Variants in TUSC3 observed in about 807,000 individuals in gnomAD.
TUSC3 encodes dolichyl-diphosphooligosaccharide--protein glycosyltransferase subunit TUSC3.
In TUSC3, 45 loss-of-function variants were observed where a neutral mutation model predicts 44.8. That is an observed-to-expected ratio of 1.00 (90% CI 0.79 to 1.29). TUSC3 has a LOEUF of 1.29. Among genes scored for constraint, TUSC3 ranks in the 50% most tolerant of loss-of-function variants. The pLI, the probability that TUSC3 is intolerant of heterozygous loss-of-function variation, is 0.00. For synonymous variants in TUSC3, 212 were observed against 152.9 expected, an observed-to-expected ratio of 1.39 and a Z score of -2.85; for missense variants, 519 against 437.9, an observed-to-expected ratio of 1.19 and a Z score of -1.65.
intron 1 of TUSC3, among the ~76,000 whole-genome samples, chr8:15,476,718 G>A (rs2129123825): frequency 6.6e-6 from 1 of 152,302 alleles, no homozygotes; most frequent in Non-Finnish European, 1.5e-5. Flanking sequence ...GCAGGCCCGA[G>A]CATAGGGGCT....
the TUSC3 span, among the ~76,000 whole-genome samples, chr8:15,787,737 C>A: frequency 6.6e-6 from 1 of 152,270 alleles, no homozygotes; most frequent in African/African-American, 2.4e-5. Flanking sequence ...ACAACTTATT[C>A]CTCTTTATTC....
chr8:15,743,501 A>T (rs753083667), intron 7 of TUSC3, 37 bp from the exon 8 acceptor site: 1 of 1,606,438 alleles, frequency 6.2e-7, no homozygotes, highest in African/African-American at 1.3e-5. Flanking sequence ...GATTTTATTC[A>T]CATCTATGTC....
At chr8:15,788,676 A>G in the TUSC3 span, among the ~76,000 whole-genome samples, 3 of 152,148 alleles carry the variant, frequency 2.0e-5, no homozygotes, top group Non-Finnish European at 4.4e-5. Context: ...TATCAGGTGA[A>G]AGGTTAATTT....
intron 1 of TUSC3, among the ~76,000 whole-genome samples, chr8:15,588,244 A>G (rs544136728): frequency 6.6e-6 from 1 of 152,030 alleles, no homozygotes; most frequent in East Asian, 1.9e-4. Flanking sequence ...TTGTCATTTG[A>G]TACTTGTCAT....
intron 4 of TUSC3, among the ~76,000 whole-genome samples, chr8:15,660,519 T>C (rs1423826582): frequency 6.6e-6 from 1 of 151,974 alleles, no homozygotes; most frequent in Non-Finnish European, 1.5e-5. Context: ...ACAACTACTT[T>C]TGACAGTAAA....
chr8:15,554,883 G>A (rs1321163964), intron 1 of TUSC3, among the ~76,000 whole-genome samples: 1 of 151,182 alleles, frequency 6.6e-6, no homozygotes, highest in Admixed American at 6.6e-5. Context: ...GGGATTACAA[G>A]CGTGAGCCAC....
chr8:15,642,655 C>T (rs139789211), intron 2 of TUSC3, among the ~76,000 whole-genome samples: 8 of 152,170 alleles, frequency 5.3e-5, no homozygotes, highest in Admixed American at 2.6e-4. Flanking sequence ...TGTGAGTTAA[C>T]GCTTTCCTCA....
chr8:15,763,781 T>G (rs1313689632), intron 10 of TUSC3, among the ~76,000 whole-genome samples: 1 of 152,056 alleles, frequency 6.6e-6, no homozygotes, highest in East Asian at 1.9e-4. Context: ...AATTGTAAAT[T>G]AACAAAAGAC....
At chr8:15,475,391 G>A (rs1800561469) in intron 1 of TUSC3, among the ~76,000 whole-genome samples, 1 of 152,134 alleles carries the variant, frequency 6.6e-6, no homozygotes, top group Non-Finnish European at 1.5e-5. Flanking sequence ...GGCAGTATTA[G>A]AGATCTTTTT....
intron 9 of TUSC3, among the ~76,000 whole-genome samples, chr8:15,756,244 C>G (rs1307839881): frequency 6.6e-6 from 1 of 152,108 alleles, no homozygotes; most frequent in East Asian, 1.9e-4. Flanking sequence ...ACTTCCAAGT[C>G]TCATTTTTCT....
At chr8:15,772,189 G>T in the TUSC3 span, among the ~76,000 whole-genome samples, 1 of 151,916 alleles carries the variant, frequency 6.6e-6, no homozygotes, top group South Asian at 2.1e-4. Flanking sequence ...CAGATGTATA[G>T]AAATAAAGAT....
rs551407578 is a variant in TUSC3, at chr8:15,460,525, C to G, written n.92-22861C>G. Reference sequence around the variant, plus strand: ...TGACTGTTCCTTTTGCCGTGCAAAACTCTTTAATTATGTCCCAGCTATTTA... The same window carrying G: ...TGACTGTTCCTTTTGCCGTGCAAAAGTCTTTAATTATGTCCCAGCTATTTA... On this transcript the variant is annotated intron_variant and non_coding_transcript_variant, in intron 1 of 5. Coordinates refer to the TUSC3 transcript ENST00000503191. Among the ~76,000 whole-genome samples the G allele has an allele frequency of 2.7e-3, 406 of 152,040 alleles. 2 individuals carry two copies. The highest frequency in any genetic ancestry group is 4.9e-3 in the Non-Finnish European group (330 of 67,876).
intron 2 of TUSC3, among the ~76,000 whole-genome samples, chr8:15,520,313 C>T (rs940269732): frequency 1.3e-5 from 2 of 152,150 alleles, no homozygotes; most frequent in South Asian, 2.1e-4. Flanking sequence ...TACTATCATA[C>T]AACTGGATTT....
At chr8:15,435,194 CCT>C (rs1156269557) in intron 1 of TUSC3, among the ~76,000 whole-genome samples, 1 of 151,156 alleles carries the variant, frequency 6.6e-6, no homozygotes, top group African/African-American at 2.5e-5. Context: ...CTCTCCAGCA[CCT>C]GTTGTTTCCT....
At chr8:15,614,015 ATTTT>A (rs35240351) in intron 1 of TUSC3, among the ~76,000 whole-genome samples, 1 of 105,570 alleles carries the variant, frequency 9.5e-6, no homozygotes, top group African/African-American at 3.2e-5. Context: ...GTGTTTTGTT[ATTTT>A]TTTTTTTTTT....
At chr8:15,820,080 A>G in the TUSC3 span, among the ~76,000 whole-genome samples, 1 of 152,148 alleles carries the variant, frequency 6.6e-6, no homozygotes, top group African/African-American at 2.4e-5. Flanking sequence ...GTTCAATATT[A>G]TCAAATGCTT....
At chr8:15,524,681 A>T (rs377115393) in intron 2 of TUSC3, among the ~76,000 whole-genome samples, 1 of 152,188 alleles carries the variant, frequency 6.6e-6, no homozygotes, top group Non-Finnish European at 1.5e-5. Flanking sequence ...AAAAGACCCA[A>T]TGGAGAACCT....
chr8:15,790,552 C>A, the TUSC3 span, among the ~76,000 whole-genome samples: 1 of 152,012 alleles, frequency 6.6e-6, no homozygotes, highest in Non-Finnish European at 1.5e-5. Flanking sequence ...TTGAGGGTAA[C>A]TAGAGGTTGC....
downstream of TUSC3, among the ~76,000 whole-genome samples, chr8:15,769,226 G>T (rs970329972): frequency 1.3e-5 from 2 of 152,052 alleles, no homozygotes; most frequent in South Asian, 2.1e-4. Flanking sequence ...TATGAAAACA[G>T]ATATATAGAC....
Sources: allele counts gnomAD v4.1 joint callset (sites outside exome capture counted in the v4.1 genomes callset), GRCh38; gene constraint gnomAD v4.1.1; transcripts MANE v1.5; gene names NCBI Gene and HGNC (gene_info 2026-07-23, HGNC 2026-07-21).